The following NEMP2 variants were observed in gnomAD, a reference collection of about 807,000 sequenced individuals.
NEMP2 encodes the protein nuclear envelope integral membrane protein 2.
In NEMP2, 53 loss-of-function variants were observed where a neutral mutation model predicts 54.2. That is an observed-to-expected ratio of 0.98 (90% CI 0.78 to 1.23). NEMP2 has a LOEUF of 1.23. Among genes scored for constraint, NEMP2 ranks in the 50% most tolerant of loss-of-function variants. The probability of loss-of-function intolerance (pLI) is 0.00; values close to 1 mark genes in which losing one functional copy is unlikely to be tolerated. For missense variants in NEMP2, 455 were observed against 511.3 expected (o/e 0.89, Z 1.06); for synonymous variants, 197 against 190.3 (o/e 1.04, Z -0.29).
At chr2:190,490,856 G>A in the NEMP2 span, among the ~76,000 whole-genome samples, 1 of 152,322 alleles carries the variant, frequency 6.6e-6, no homozygotes, top group South Asian at 2.1e-4. The surrounding 1 kb of genome is among the most constrained non-coding windows in gnomAD (Gnocchi z 4.5). Context: ...AGAAAAACTT[G>A]CTTGTTACAG....
At chr2:190,486,447 T>G in the NEMP2 span, among the ~76,000 whole-genome samples, 1 of 152,238 alleles carries the variant, frequency 6.6e-6, no homozygotes, top group South Asian at 2.1e-4. Context: ...TCTAGCCACC[T>G]TGGCTCCCTA....
At chr2:190,541,156 AAC>A in the NEMP2 span, among the ~76,000 whole-genome samples, 1 of 146,434 alleles carries the variant, frequency 6.8e-6, no homozygotes, top group Non-Finnish European at 1.5e-5. The surrounding 1 kb of genome is among the most constrained non-coding windows in gnomAD (Gnocchi z 5.2). Flanking sequence ...TTTTCAAAAA[AAC>A]AATTTCATTT....
the NEMP2 span, among the ~76,000 whole-genome samples, chr2:190,488,165 T>C: frequency 2.0e-5 from 3 of 152,252 alleles, no homozygotes; most frequent in Non-Finnish European, 4.4e-5. This position sits in a 1 kb window ranked among gnomAD's most constrained non-coding sequence, Gnocchi z 6.4. Flanking sequence ...CCTCCCAAAG[T>C]GCTGGGATTA....
chr2:190,545,770 C>G, the NEMP2 span, among the ~76,000 whole-genome samples: 2 of 152,288 alleles, frequency 1.3e-5, no homozygotes, highest in African/African-American at 4.8e-5. Flanking sequence ...TATGTTCTCT[C>G]TCTCTCTTTC....
the NEMP2 span, chr2:190,610,278 A>G: frequency 6.6e-6 from 1 of 152,190 alleles, no homozygotes; most frequent in African/African-American, 2.4e-5. This position sits in a 1 kb window ranked among gnomAD's most constrained non-coding sequence, Gnocchi z 5.4. Flanking sequence ...GGTCTTTTAT[A>G]TTGGCTTTGA....
chr2:190,458,172 T>C, the NEMP2 span, among the ~76,000 whole-genome samples: 1 of 152,284 alleles, frequency 6.6e-6, no homozygotes, highest in Non-Finnish European at 1.5e-5. The surrounding 1 kb of genome is among the most constrained non-coding windows in gnomAD (Gnocchi z 5.3). Context: ...TCGAAGGGCA[T>C]TTTAATGGGC....
chr2:190,531,289 G>A lies in NEMP2; in HGVS notation c.97+3270C>T, dbSNP rs761899014. The stretch of plus-strand genomic sequence containing the variant: ...CACTTCCTCAAGCCTGAATCAGATC[G>A]GGAGAAAGATCTGGAAGTGTAGGCT... On this transcript the variant is annotated intron_variant, in intron 1 of 8. Transcript: ENST00000409150. The surrounding 1 kb of genome is among the most constrained non-coding windows in gnomAD (Gnocchi z 4.7). 3.3e-5 allele frequency among the ~76,000 whole-genome samples: 5 copies of A among 152,144 alleles called. No individual in the cohort carries two copies. Among genetic ancestry groups the A allele is most frequent in the Non-Finnish European group, 7.3e-5 (5 of 68,028 alleles).
Position 190,521,134 on chromosome 2 carries a change from C to T in NEMP2, c.214-1951G>A, listed in dbSNP as rs953431292. ...ACATGAAAGTTGCAGTCATTCATAC[C>T]ACATATTACTATTCATTCATTCTTC... On this transcript the variant is annotated intron_variant, in intron 2 of 8. Coordinates refer to ENST00000409150, the MANE Select transcript of NEMP2 (RefSeq NM_001142645.2). This position sits in a 1 kb window ranked among gnomAD's most constrained non-coding sequence, Gnocchi z 6.2. Among the ~76,000 whole-genome samples the T allele has an allele frequency of 6.6e-6, 1 of 152,118 alleles. No individual in the cohort carries two copies. The highest frequency in any genetic ancestry group is 1.5e-5 in the Non-Finnish European group (1 of 68,030).
rs12693579 is a variant in NEMP2 at position 190,534,707 on chromosome 2, T to C, written c.-52A>G. 0.75 allele frequency: 914,338 copies of C among 1,216,812 alleles called. 346,137 individuals carry two copies. Among genetic ancestry groups the C allele is most frequent in the Admixed American group, 0.79 (18,706 of 23,586 alleles). The allele number at this position is 1,216,812 out of a possible 1,614,324, so 75.4% of individuals were successfully genotyped here. A position where few individuals can be genotyped will look rare whatever the true frequency, so the allele number is the denominator to read the frequency against. ...CCGAGCCCTAGGGGACCGGCTCCGC[T>C]GCGAGGAGCGGAAGTGGCGCGGGGG... is the stretch of plus-strand genomic sequence containing the variant. On this transcript the variant is annotated 5_prime_UTR_variant, in exon 1 of 9. Transcript: ENST00000409150.
chr2:190,584,304 TC>T, the NEMP2 span, among the ~76,000 whole-genome samples: 1 of 152,152 alleles, frequency 6.6e-6, no homozygotes, highest in African/African-American at 2.4e-5. This position sits in a 1 kb window ranked among gnomAD's most constrained non-coding sequence, Gnocchi z 4.2. Context: ...CCAAAAATTT[TC>T]TTTGAAGCAA....
the NEMP2 span, among the ~76,000 whole-genome samples, chr2:190,645,138 ATATT>A: frequency 3.9e-5 from 6 of 152,196 alleles, no homozygotes; most frequent in Non-Finnish European, 7.3e-5. Context: ...CATACAAGTG[ATATT>A]TATTTAAGAC....
the NEMP2 span, among the ~76,000 whole-genome samples, chr2:190,577,524 G>A: frequency 7.9e-4 from 121 of 152,202 alleles, no homozygotes; most frequent in African/African-American, 2.9e-3. This position sits in a 1 kb window ranked among gnomAD's most constrained non-coding sequence, Gnocchi z 4.8. Flanking sequence ...TCCTCACCAA[G>A]GAATAACAAG....
At chr2:190,534,469 C>A in intron 1 of NEMP2, 90 bp downstream of exon 1, 1 of 1,269,306 alleles carries the variant, frequency 7.9e-7, no homozygotes, top group Admixed American at 4.3e-5. Flanking sequence ...CTCGCGGTGC[C>A]GCCCGGGCCA....
At chr2:190,581,711 A>C in the NEMP2 span, among the ~76,000 whole-genome samples, 1 of 152,216 alleles carries the variant, frequency 6.6e-6, no homozygotes, top group South Asian at 2.1e-4. Context: ...AGAGATATAT[A>C]TGTTCTATGA....
chr2:190,460,972 G>A, the NEMP2 span, among the ~76,000 whole-genome samples: 6 of 152,270 alleles, frequency 3.9e-5, no homozygotes, highest in South Asian at 2.1e-4. Flanking sequence ...AAGCACTCTT[G>A]TTAAGTCTGA....
In NEMP2 at chr2:190,521,534, C is replaced by G. The variant is rs942110923; in HGVS notation, c.214-2351G>C. ...AAAAGAAGAAACAACCTTCTGTGGA[C>G]TCCACTTTTCCCTCCAACTACCACC... is the stretch of plus-strand genomic sequence containing the variant. On this transcript the variant is annotated intron_variant, in intron 2 of 8. Transcript: ENST00000409150. This position sits in a 1 kb window ranked among gnomAD's most constrained non-coding sequence, Gnocchi z 6.2. Among the ~76,000 whole-genome samples the G allele has an allele frequency of 2.3e-4, 35 of 152,204 alleles. No homozygotes were observed. Among genetic ancestry groups the G allele is most frequent in the African/African-American group, 8.2e-4 (34 of 41,456 alleles).
the NEMP2 span, among the ~76,000 whole-genome samples, chr2:190,555,077 C>T: frequency 6.8e-4 from 104 of 152,164 alleles, 1 homozygote; most frequent in Admixed American, 3.7e-3. The surrounding 1 kb of genome is among the most constrained non-coding windows in gnomAD (Gnocchi z 4.8). Context: ...AGCAGAGGGG[C>T]CTGACTGTTA....
chr2:190,612,647 A>G, the NEMP2 span, among the ~76,000 whole-genome samples: 1 of 152,220 alleles, frequency 6.6e-6, no homozygotes, highest in South Asian at 2.1e-4. Flanking sequence ...TAAGTCAAAA[A>G]AAGTTTATGA....
At position 190,526,848 on chromosome 2, in the gene NEMP2, C is replaced by T. The variant is rs535309317; in HGVS notation, c.98-1470G>A. On this transcript the variant is annotated intron_variant, in intron 1 of 8. Coordinates refer to ENST00000409150, the MANE Select transcript of NEMP2 (RefSeq NM_001142645.2). The stretch of plus-strand genomic sequence containing the variant: ...TTTGGCTGGAGACAGATGTAGATAC[C>T]TAAATATATATGTATGCTATATATA... Among the ~76,000 whole-genome samples the T allele has an allele frequency of 1.4e-4, 22 of 152,016 alleles. No homozygotes were observed. In the South Asian group the frequency reaches 2.7e-3, roughly 19 times the overall value.
Sources: allele counts gnomAD v4.1 joint callset (sites outside exome capture counted in the v4.1 genomes callset), GRCh38; gene constraint gnomAD v4.1.1; non-coding constraint Gnocchi (gnomAD v3.1); transcripts MANE v1.5; gene names NCBI Gene and HGNC (gene_info 2026-07-23, HGNC 2026-07-21).